TTLL11: variants seen among roughly 807,000 people sequenced by gnomAD.
TTLL11 encodes tubulin tyrosine ligase like 11, also known as tubulin polyglutamylase TTLL11.
TTLL11 carries 42 observed loss-of-function variants against 51.7 expected under a neutral mutation model. That is an observed-to-expected ratio of 0.81 (90% CI 0.64 to 1.05). The LOEUF (loss-of-function observed/expected upper bound fraction) is 1.05, where lower values mean the gene tolerates loss of function less well. TTLL11 is among the 50% of genes least tolerant of loss of function. The probability of loss-of-function intolerance (pLI) is 0.00; values close to 1 mark genes in which losing one functional copy is unlikely to be tolerated. For missense variants in TTLL11, 799 were observed against 940.4 expected (o/e 0.85, Z 1.97); for synonymous variants, 381 against 383.5 (o/e 0.99, Z 0.08).
chr9:122,012,336 C>T (rs896360447), intron 3 of TTLL11, among the ~76,000 whole-genome samples: 1 of 151,910 alleles, frequency 6.6e-6, no homozygotes, highest in African/African-American at 2.4e-5. Flanking sequence ...CTTTAACTTC[C>T]TTTGGGGAAG....
chr9:121,841,412 G>A (rs1244995615), intron 8 of TTLL11, among the ~76,000 whole-genome samples: 1 of 152,216 alleles, frequency 6.6e-6, no homozygotes, highest in Non-Finnish European at 1.5e-5. Context: ...CAGGCCCTGT[G>A]TTGCCAAAAT....
chr9:121,937,233 A>G (rs1252571382), intron 6 of TTLL11, among the ~76,000 whole-genome samples: 1 of 152,154 alleles, frequency 6.6e-6, no homozygotes, highest in Non-Finnish European at 1.5e-5. Flanking sequence ...AATGCCAGCT[A>G]TTTTTGGTTG....
chr9:121,996,888 C>T (rs1843284103), intron 3 of TTLL11, among the ~76,000 whole-genome samples: 1 of 152,198 alleles, frequency 6.6e-6, no homozygotes, highest in Non-Finnish European at 1.5e-5. Flanking sequence ...AATTGAGGCC[C>T]AGAGAGTCCA....
At chr9:121,970,974 A>G (rs1390243383) in intron 6 of TTLL11, among the ~76,000 whole-genome samples, 1 of 152,176 alleles carries the variant, frequency 6.6e-6, no homozygotes, top group Non-Finnish European at 1.5e-5. Flanking sequence ...GATAGACTGG[A>G]TAAAGAAAAT....
At chr9:122,078,911 A>G (rs1845928827) in intron 1 of TTLL11, among the ~76,000 whole-genome samples, 1 of 152,202 alleles carries the variant, frequency 6.6e-6, no homozygotes, top group African/African-American at 2.4e-5. Context: ...TTTCCCTGAA[A>G]AAAACAAAGC....
At chr9:122,029,198 AACT>A (rs1477823811) in intron 3 of TTLL11, among the ~76,000 whole-genome samples, 1 of 152,186 alleles carries the variant, frequency 6.6e-6, no homozygotes, top group Non-Finnish European at 1.5e-5. Context: ...AATGATAATA[AACT>A]ACTACGTTAC....
intron 1 of TTLL11, among the ~76,000 whole-genome samples, chr9:122,060,544 A>C (rs1845410311): frequency 6.6e-6 from 1 of 152,210 alleles, no homozygotes; most frequent in East Asian, 1.9e-4. Flanking sequence ...CCGTGCTGCC[A>C]TATAGATCCA....
chr9:121,969,113 G>T (rs564177088), intron 6 of TTLL11, among the ~76,000 whole-genome samples: 2 of 152,068 alleles, frequency 1.3e-5, no homozygotes, highest in Non-Finnish European at 2.9e-5. Flanking sequence ...CAAGTAATCC[G>T]CCCACCTTGG....
At chr9:121,917,869 A>G (rs1330522322) in intron 6 of TTLL11, among the ~76,000 whole-genome samples, 1 of 152,226 alleles carries the variant, frequency 6.6e-6, no homozygotes, top group African/African-American at 2.4e-5. Flanking sequence ...AATGAAATAA[A>G]ATGGGGTCAT....
chr9:121,973,801 C>T (rs201869618), intron 6 of TTLL11, among the ~76,000 whole-genome samples: 30 of 152,246 alleles, frequency 2.0e-4, no homozygotes, highest in East Asian at 5.8e-4. Context: ...AATTCATCAA[C>T]GGAAGCCTAT....
chr9:122,020,449 G>C (rs1385649651), intron 3 of TTLL11, among the ~76,000 whole-genome samples: 1 of 152,216 alleles, frequency 6.6e-6, no homozygotes, highest in Non-Finnish European at 1.5e-5. Flanking sequence ...TTACACAGAA[G>C]GGAAAAGTAC....
chr9:121,929,167 C>G (rs765731346), intron 6 of TTLL11, among the ~76,000 whole-genome samples: 1 of 152,046 alleles, frequency 6.6e-6, no homozygotes, highest in African/African-American at 2.4e-5. Context: ...TTTGGCCGGG[C>G]GCGGTGGCTT....
At chr9:121,895,706 T>TGTAGTG in intron 6 of TTLL11, among the ~76,000 whole-genome samples, 1 of 7,416 alleles carries the variant, frequency 1.3e-4, no homozygotes, top group African/African-American at 4.1e-4. Context: ...ATTGTGTGGG[T>TGTAGTG]TTGTGTGACT....
chr9:122,060,048 C>T (rs1397414943), intron 1 of TTLL11, among the ~76,000 whole-genome samples: 1 of 152,202 alleles, frequency 6.6e-6, no homozygotes, highest in East Asian at 1.9e-4. Flanking sequence ...CTGCAACCAG[C>T]CAGAGAAAAC....
intron 1 of TTLL11, among the ~76,000 whole-genome samples, chr9:122,068,671 C>A (rs367650266): frequency 6.6e-6 from 1 of 152,200 alleles, no homozygotes; most frequent in Admixed American, 6.5e-5. Flanking sequence ...TGATTTTGGC[C>A]GACTCCAAAT....
At chr9:122,000,013 T>G (rs1162696551) in intron 3 of TTLL11, among the ~76,000 whole-genome samples, 1 of 152,226 alleles carries the variant, frequency 6.6e-6, no homozygotes, top group African/African-American at 2.4e-5. Context: ...AGAGTATTAA[T>G]ACATCTTAAT....
intron 8 of TTLL11, among the ~76,000 whole-genome samples, chr9:121,857,324 A>G (rs1400802699): frequency 6.6e-6 from 1 of 152,172 alleles, no homozygotes. Flanking sequence ...ACTTAAGTGA[A>G]CAAGCACTGC....
chr9:121,826,479 ATGTATATATATATATGTG>A (rs1836781523), intron 8 of TTLL11, among the ~76,000 whole-genome samples: 5 of 52,618 alleles, frequency 9.5e-5, no homozygotes, highest in South Asian at 6.8e-4. Context: ...ATATATATAT[ATGTATATATATATATGTG>A]TGTGTATATA....
chr9:121,872,552 T>C (rs923348352), intron 6 of TTLL11, among the ~76,000 whole-genome samples: 2 of 152,222 alleles, frequency 1.3e-5, no homozygotes, highest in Non-Finnish European at 2.9e-5. Flanking sequence ...CTTTGTAACC[T>C]GTAAGTGCTT....
Sources: gnomAD v4.1 joint callset for allele counts (sites outside exome capture counted in the v4.1 genomes callset) on GRCh38, gnomAD v4.1.1 for gene constraint, MANE v1.5 for transcripts, NCBI Gene and HGNC (gene_info 2026-07-23, HGNC 2026-07-21) for gene names.